NDUFAF1: variants seen among roughly 807,000 people sequenced by gnomAD.
The protein encoded by NDUFAF1 is NADH:ubiquinone oxidoreductase complex assembly factor 1.
A neutral mutation model predicts 28.7 loss-of-function variants in NDUFAF1; 18 were observed. The observed-to-expected ratio is 0.63, with a 90% confidence interval of 0.43 to 0.93. The LOEUF is 0.93. Among genes scored for constraint, NDUFAF1 ranks in the 40% least tolerant of loss-of-function variants. NDUFAF1 has a pLI of 0.00. For missense variants in NDUFAF1, 404 were observed against 398.3 expected (o/e 1.01, Z -0.12); for synonymous variants, 113 against 139.7 (o/e 0.81, Z 1.35).
chr15:41,389,896 C>T (rs11854632), intron 3 of NDUFAF1, among the ~76,000 whole-genome samples: 33,785 of 151,784 alleles, frequency 0.22, 4,112 homozygotes, highest in Non-Finnish European at 0.26. Context: ...GAGTTTGTTC[C>T]GACAGTAGAA....
chr15:41,387,801 C>G (rs955874246), intron 4 of NDUFAF1, among the ~76,000 whole-genome samples: 2 of 152,130 alleles, frequency 1.3e-5, no homozygotes, highest in African/African-American at 4.8e-5. Context: ...CCCCTCTCCT[C>G]ATTAGGTAGT....
intron 2 of NDUFAF1, among the ~76,000 whole-genome samples, chr15:41,396,208 T>G (rs1430956557): frequency 6.6e-6 from 1 of 152,052 alleles, no homozygotes; most frequent in Non-Finnish European, 1.5e-5. Flanking sequence ...CTTTCAAATG[T>G]CTAACCTCTC....
chr15:41,399,921 G>T (rs1335650609), intron 1 of NDUFAF1, among the ~76,000 whole-genome samples: 1 of 149,154 alleles, frequency 6.7e-6, no homozygotes, highest in African/African-American at 2.5e-5. Flanking sequence ...CACCTATAGG[G>T]TGGTGGCAAG....
chr15:41,398,105 G>C (rs907195130), intron 1 of NDUFAF1, among the ~76,000 whole-genome samples: 2 of 150,372 alleles, frequency 1.3e-5, no homozygotes, highest in African/African-American at 2.4e-5. Context: ...TGAACTCCTA[G>C]GATCCAGTGA....
intron 3 of NDUFAF1, among the ~76,000 whole-genome samples, chr15:41,391,610 A>AG (rs2050317624): frequency 1.3e-5 from 2 of 150,834 alleles, no homozygotes; most frequent in South Asian, 4.1e-4. Flanking sequence ...TCCATCTTAA[A>AG]AAAAAAAAAA....
chr15:41,396,999 T>G lies in NDUFAF1; in HGVS notation c.61A>C (p.Thr21Pro), dbSNP rs148982578. The part of the protein sequence containing the change: ...TYFLRKFSKP[T>P]SALYPFLGIR... ...CCCAAAAATGGATACAAGGCAGAAG[T>G]TGGCTTAGAGAATTTTCTGAGAAAA... The change falls in exon 2 of 5, where the codon ACT becomes CCT. Residue 21 changes from threonine (T) to proline (P), a missense_variant. Coordinates refer to ENST00000260361, the MANE Select transcript of NDUFAF1 (RefSeq NM_016013.4). 3 of 1,612,590 alleles carry G rather than the reference T, an allele frequency of 1.9e-6. No individual in the cohort carries two copies. The highest frequency in any genetic ancestry group is 2.2e-5 in the East Asian group (1 of 44,882).
intron 2 of NDUFAF1, among the ~76,000 whole-genome samples, chr15:41,396,207 G>A (rs767521221): frequency 1.3e-5 from 2 of 151,982 alleles, no homozygotes; most frequent in African/African-American, 2.4e-5. Flanking sequence ...TCTTTCAAAT[G>A]TCTAACCTCT....
intron 2 of NDUFAF1, among the ~76,000 whole-genome samples, chr15:41,396,269 G>C (rs1012037762): frequency 3.3e-5 from 5 of 152,066 alleles, no homozygotes; most frequent in African/African-American, 1.2e-4. Context: ...GCAATGCGCA[G>C]AAACAAGTTA....
In NDUFAF1 at chr15:41,397,060, G is replaced by A. The variant is rs749571934; in HGVS notation, c.-1C>T. On this transcript the variant is annotated 5_prime_UTR_variant, in exon 2 of 5. Coordinates refer to ENST00000260361, the MANE Select transcript of NDUFAF1 (RefSeq NM_016013.4). The stretch of plus-strand genomic sequence containing the variant: ...GCAGCAATTTGTGAACCAAAGCCAT[G>A]GTACAAAAAAATCAAAATGTAAGTT... The A allele has an allele frequency of 6.2e-7, 1 of 1,612,704 alleles. No homozygotes were observed. Among genetic ancestry groups the A allele is most frequent in the Non-Finnish European group, 8.5e-7 (1 of 1,179,630 alleles).
chr15:41,399,639 G>A (rs1334736354), intron 1 of NDUFAF1, among the ~76,000 whole-genome samples: 1 of 151,640 alleles, frequency 6.6e-6, no homozygotes, highest in Non-Finnish European at 1.5e-5. Context: ...CGGATCACGA[G>A]GTCAGGAGAT....
intron 3 of NDUFAF1, among the ~76,000 whole-genome samples, chr15:41,393,361 G>A (rs1439068045): frequency 6.9e-6 from 1 of 144,320 alleles, no homozygotes; most frequent in Non-Finnish European, 1.5e-5. Flanking sequence ...GGCACGATCT[G>A]CAAGCTCTGC....
intron 4 of NDUFAF1, 121 bp downstream of exon 4, chr15:41,388,327 G>A (rs1040214507): frequency 1.9e-5 from 15 of 791,756 alleles, no homozygotes; most frequent in Non-Finnish European, 3.0e-5. Flanking sequence ...CTGGGTATAA[G>A]AGCAGTGGCC....
intron 3 of NDUFAF1, among the ~76,000 whole-genome samples, chr15:41,392,839 A>G (rs1371218703): frequency 6.6e-6 from 1 of 152,132 alleles, no homozygotes; most frequent in East Asian, 1.9e-4. Flanking sequence ...AAATGATGTC[A>G]TCTGAACTAT....
rs142844293 is a variant in NDUFAF1 at position 41,400,099 on chromosome 15, C to A, written c.-82+2045G>T. Among the ~76,000 whole-genome samples the A allele has an allele frequency of 7.9e-5, 12 of 151,552 alleles. No individual in the cohort carries two copies. The East Asian group carries it at 1.6e-3, about 20-fold the overall frequency. On this transcript the variant is annotated intron_variant, in intron 1 of 4. Coordinates refer to ENST00000260361, the MANE Select transcript of NDUFAF1 (RefSeq NM_016013.4). ...AAAAATAAAAAATTGTAAGGCCAGGCGCAGTGGCTCACGCCTGTAATCCCA... is the reference window on the plus strand; with the variant it reads ...AAAAATAAAAAATTGTAAGGCCAGGAGCAGTGGCTCACGCCTGTAATCCCA...
At chr15:41,399,064 G>C (rs114252007) in intron 1 of NDUFAF1, among the ~76,000 whole-genome samples, 1,706 of 151,824 alleles carry the variant, frequency 0.011, 37 homozygotes, top group African/African-American at 0.04. Context: ...TCAGGAGTTG[G>C]AGACCAGCCT....
intron 2 of NDUFAF1, among the ~76,000 whole-genome samples, chr15:41,395,626 A>T (rs113967548): frequency 0.2 from 27,925 of 139,946 alleles, 3,419 homozygotes; most frequent in Non-Finnish European, 0.27. Context: ...CACCTTGGCC[A>T]CCCAAAGTGT....
At position 41,394,845 on chromosome 15, in the gene NDUFAF1, A is replaced by G; in HGVS notation, c.759+14T>C. ...GACCTCATTTTTATAAACAATGAAG[A>G]TTTATGCTGTTACCTTGACCTCCTG... is the stretch of plus-strand genomic sequence containing the variant. On this transcript the variant is annotated intron_variant, in intron 3 of 4. Transcript: ENST00000260361. 1.2e-6 allele frequency: 2 copies of G among 1,613,620 alleles called. No homozygotes were observed. Among genetic ancestry groups the G allele is most frequent in the Non-Finnish European group, 1.7e-6 (2 of 1,179,718 alleles).
At chr15:41,393,418 G>T (rs893946744) in intron 3 of NDUFAF1, among the ~76,000 whole-genome samples, 6 of 151,518 alleles carry the variant, frequency 4.0e-5, no homozygotes, top group Non-Finnish European at 7.4e-5. Context: ...TGAGTAGCTG[G>T]GACTACAGGC....
rs1313061141 is a variant in NDUFAF1, at chr15:41,402,249, G to A, written c.-187C>T. 4.4e-6 allele frequency: 2 copies of A among 453,994 alleles called. No homozygotes were observed. Among genetic ancestry groups the A allele is most frequent in the South Asian group, 3.1e-5 (2 of 64,472 alleles). The allele number at this position is 453,994 out of a possible 1,614,324, so 28.1% of individuals were successfully genotyped here. ...AGAGACGAAGAAACTGACGTTCCAA[G>A]GCTAATTTACCCGAGGTCACACAGG... On this transcript the variant is annotated 5_prime_UTR_variant, in exon 1 of 5. Coordinates refer to ENST00000260361, the MANE Select transcript of NDUFAF1 (RefSeq NM_016013.4).
Sources: allele counts gnomAD v4.1 joint callset (sites outside exome capture counted in the v4.1 genomes callset), GRCh38; gene constraint gnomAD v4.1.1; transcripts MANE v1.5; gene names NCBI Gene and HGNC (gene_info 2026-07-23, HGNC 2026-07-21).